Variants in TTBK1 observed in about 807,000 individuals in gnomAD.
The protein encoded by TTBK1 is tau tubulin kinase 1, also known as tau-tubulin kinase 1.
Under a neutral mutation model 108.5 loss-of-function variants are expected in TTBK1, and 34 were observed. The ratio of observed to expected loss-of-function variants is 0.31; its 90% CI spans 0.24 to 0.42. The LOEUF is 0.42. Ranked by LOEUF, TTBK1 falls within the 10% of genes least tolerant of loss-of-function variation. The pLI is 1.00. For synonymous variants in TTBK1, 809 were observed against 795.1 expected, an observed-to-expected ratio of 1.02 and a Z score of -0.29; for missense variants, 1,539 against 1,826.0, an observed-to-expected ratio of 0.84 and a Z score of 2.86.
Position 43,255,602 on chromosome 6 carries a change from G to A in TTBK1, c.693G>A (p.Glu231=). The change falls in exon 8 of 15, where the codon GAG becomes GAA. Residue 231 remains glutamate (E), a synonymous_variant. Transcript: ENST00000259750. The stretch of plus-strand genomic sequence containing the variant: ...GGTCCCTCTTCTACATGCTGGTGGA[G>A]TTTGCAGTGGGCCAGCTGCCCTGGA... ...DLWSLFYMLV[E]FAVGQLPWRK... 6.2e-7 allele frequency: 1 copy of A among 1,613,950 alleles called. No individual in the cohort carries two copies. The highest frequency in any genetic ancestry group is 1.1e-5 in the South Asian group (1 of 91,054).
rs1171805966 is a variant in TTBK1, at chr6:43,282,739, G to A, written c.1999G>A (p.Ala667Thr). 6.2e-7 allele frequency: 1 copy of A among 1,604,640 alleles called. No individual in the cohort carries two copies. Among genetic ancestry groups the A allele is most frequent in the Non-Finnish European group, 8.5e-7 (1 of 1,176,370 alleles). Residue 667 changes from alanine to threonine, a missense_variant, in exon 14 of 15, where the codon GCG (alanine) becomes ACG (threonine). Coordinates refer to ENST00000259750, the MANE Select transcript of TTBK1 (RefSeq NM_032538.3). This position sits in a 1 kb window ranked among gnomAD's most constrained non-coding sequence, Gnocchi z 5.4. ...ATGCCCCTTGCAGGTGTTCTCCGTG[G>A]CGCCCCCATTTGAGGTGAATGGCCT... ...TGPQRQVFSV[A>T]PPFEVNGLPR...
Position 43,263,280 on chromosome 6 carries a change from C to A in TTBK1, c.1916C>A (p.Ser639Tyr), listed in dbSNP as rs925235521. ...TSQPPTPGSP[S>Y]HSPLHSGPRP... is the part of the protein sequence containing the mutation. ...CAGCCCCCCACGCCTGGCAGCCCTT[C>A]CCACTCACCCCTGCACTCGGGACCC... The change falls in exon 13 of 15, where the codon TCC becomes TAC. Residue 639 changes from serine to tyrosine, a missense_variant. Transcript: ENST00000259750. This position sits in a 1 kb window ranked among gnomAD's most constrained non-coding sequence, Gnocchi z 4.7. The A allele has an allele frequency of 6.6e-7, 1 of 1,524,782 alleles. No homozygotes were observed. The highest frequency in any genetic ancestry group is 8.8e-7 in the Non-Finnish European group (1 of 1,133,588). The allele number at this position is 1,524,782 out of a possible 1,614,324, so 94.5% of individuals were successfully genotyped here. A position where few individuals can be genotyped will look rare whatever the true frequency, so the allele number is the denominator to read the frequency against.
rs780745292 is a variant in TTBK1 at position 43,283,674 on chromosome 6, C to T, written c.2934C>T (p.Pro978=). Residue 978 remains proline (P), a synonymous_variant, in exon 14 of 15, where the codon CCC becomes CCT. Coordinates refer to ENST00000259750, the MANE Select transcript of TTBK1 (RefSeq NM_032538.3). The surrounding 1 kb of genome is among the most constrained non-coding windows in gnomAD (Gnocchi z 8.1). ...CTGTGGAGGAGGGGGCCCGAGCGCCCCTGGAGAACGGCCTCGCCCTGTCAG... is the reference window on the plus strand; with the variant it reads ...CTGTGGAGGAGGGGGCCCGAGCGCCTCTGGAGAACGGCCTCGCCCTGTCAG... ...GGAVEEGARA[P]LENGLALSGL... 6.2e-7 allele frequency: 1 copy of T among 1,613,946 alleles called. No homozygotes were observed. The highest frequency in any genetic ancestry group is 1.1e-5 in the South Asian group (1 of 91,078).
chr6:43,254,431 C>A, intron 5 of TTBK1, 116 bp from the exon 6 acceptor site: 2 of 662,386 alleles, frequency 3.0e-6, no homozygotes, highest in Non-Finnish European at 5.1e-6. Context: ...TCCTTGCGGG[C>A]GAGTGAATGT....
chr6:43,254,920 C>G (rs574528939), intron 6 of TTBK1, 129 bp from the exon 7 acceptor site: 1 of 965,014 alleles, frequency 1.0e-6, no homozygotes, highest in Non-Finnish European at 1.7e-6. Flanking sequence ...ACTGGAAGGT[C>G]AGAGAGCAGG....
At chr6:43,279,239 T>C (rs1171645006) in intron 13 of TTBK1, among the ~76,000 whole-genome samples, 1 of 152,162 alleles carries the variant, frequency 6.6e-6, no homozygotes, top group Non-Finnish European at 1.5e-5. Context: ...ACTGTGTGTG[T>C]GTGTTGCGGG....
intron 13 of TTBK1, among the ~76,000 whole-genome samples, chr6:43,281,147 G>A (rs1778147715): frequency 6.6e-6 from 1 of 152,126 alleles, no homozygotes; most frequent in African/African-American, 2.4e-5. Context: ...GCCGAAGCGG[G>A]TGGATCACCT....
In TTBK1 at chr6:43,259,408, C is replaced by T. The variant is rs1176042060; in HGVS notation, c.1249-123C>T. ...TTGCCCTGCCTCTGTTTCCCGGTCC[C>T]TCCCCGCACTAGCCTCGCTGTGTCT... is the stretch of plus-strand genomic sequence containing the variant. On this transcript the variant is annotated intron_variant, in intron 11 of 14. Coordinates refer to ENST00000259750, the MANE Select transcript of TTBK1 (RefSeq NM_032538.3). This position sits in a 1 kb window ranked among gnomAD's most constrained non-coding sequence, Gnocchi z 6.7. 9 of 1,313,660 alleles carry T rather than the reference C, an allele frequency of 6.9e-6. No individual in the cohort carries two copies. Among genetic ancestry groups the T allele is most frequent in the African/African-American group, 4.4e-5 (3 of 67,484 alleles). 81.4% of individuals were successfully genotyped at this position (1,313,660 alleles called of 1,614,324 possible).
In TTBK1 at chr6:43,263,263, C is replaced by A. The variant is rs201649796; in HGVS notation, c.1899C>A (p.Pro633=). The change falls in exon 13 of 15, where the codon CCC becomes CCA. Residue 633 remains proline, a synonymous_variant. Coordinates refer to ENST00000259750, the MANE Select transcript of TTBK1 (RefSeq NM_032538.3). The surrounding 1 kb of genome is among the most constrained non-coding windows in gnomAD (Gnocchi z 4.7). ...GCCGTTCCGAGACGTCACAGCCCCCCACGCCTGGCAGCCCTTCCCACTCAC... is the reference window on the plus strand; with the variant it reads ...GCCGTTCCGAGACGTCACAGCCCCCAACGCCTGGCAGCCCTTCCCACTCAC... ...GDGRSETSQP[P]TPGSPSHSPL... 7 of 1,540,612 alleles carry A rather than the reference C, an allele frequency of 4.5e-6. No individual in the cohort carries two copies. Among genetic ancestry groups the A allele is most frequent in the East Asian group, 2.4e-5 (1 of 41,594 alleles).
intron 1 of TTBK1, among the ~76,000 whole-genome samples, chr6:43,244,457 A>C (rs1777036201): frequency 6.6e-6 from 1 of 152,066 alleles, no homozygotes; most frequent in African/African-American, 2.4e-5. Context: ...TATTCATACA[A>C]ACTCCTGCAT....
chr6:43,271,064 A>G lies in TTBK1; in HGVS notation c.1986+7714A>G, dbSNP rs1318505826. ...TCTTCTGCCCATTTCTCAGCCCCCA[A>G]CCTTCACTGCAGGGAGCCCAAGTTT... On this transcript the variant is annotated intron_variant, in intron 13 of 14. Coordinates refer to ENST00000259750, the MANE Select transcript of TTBK1 (RefSeq NM_032538.3). 5.1e-6 allele frequency: 5 copies of G among 985,330 alleles called. No individual in the cohort carries two copies. The South Asian group carries it at 1.9e-4, about 37-fold the overall frequency. The allele number at this position is 985,330 out of a possible 1,614,324, so 61.0% of individuals were successfully genotyped here.
At chr6:43,250,508 C>T (rs765517187) in intron 2 of TTBK1, among the ~76,000 whole-genome samples, 1 of 152,008 alleles carries the variant, frequency 6.6e-6, no homozygotes, top group Non-Finnish European at 1.5e-5. Flanking sequence ...AGGTGCCCGC[C>T]ACCACGCCCC....
At position 43,257,676 on chromosome 6, in the gene TTBK1, C is replaced by G; in HGVS notation, c.862-136C>G. The stretch of plus-strand genomic sequence containing the variant: ...CATTTAAAATCAATGTGCCGTTCTC[C>G]TTCCAATGCCCCCTCCAGGCCCATT... On this transcript the variant is annotated intron_variant, in intron 9 of 14. Transcript: ENST00000259750. This position sits in a 1 kb window ranked among gnomAD's most constrained non-coding sequence, Gnocchi z 4.5. 1 of 772,810 alleles carries G rather than the reference C, an allele frequency of 1.3e-6. No homozygotes were observed. Among genetic ancestry groups the G allele is most frequent in the Non-Finnish European group, 2.1e-6 (1 of 476,822 alleles). 47.9% of individuals were successfully genotyped at this position (772,810 alleles called of 1,614,324 possible). A position where few individuals can be genotyped will look rare whatever the true frequency, so the allele number is the denominator to read the frequency against.
Position 43,286,870 on chromosome 6 carries a change from C to T in TTBK1, c.*1494C>T. The T allele has an allele frequency of 6.6e-6, 1 of 152,444 alleles. No individual in the cohort carries two copies. Among genetic ancestry groups the T allele is most frequent in the Non-Finnish European group, 1.5e-5 (1 of 68,086 alleles). The allele number at this position is 152,444 out of a possible 1,614,324, so 9.4% of individuals were successfully genotyped here. A position where few individuals can be genotyped will look rare whatever the true frequency, so the allele number is the denominator to read the frequency against. ...GGCCCCTGCAGCCTCTGTCCCCTGG[C>T]CTAGCCTCTCTGTCCTTCCCTGAGT... On this transcript the variant is annotated 3_prime_UTR_variant, in exon 15 of 15. Coordinates refer to ENST00000259750, the MANE Select transcript of TTBK1 (RefSeq NM_032538.3). The surrounding 1 kb of genome is among the most constrained non-coding windows in gnomAD (Gnocchi z 4.6).
intron 1 of TTBK1, 90 bp from the exon 2 acceptor site, chr6:43,246,517 G>A (rs1777089726): frequency 1.7e-6 from 1 of 582,892 alleles, no homozygotes; most frequent in Non-Finnish European, 3.1e-6. Flanking sequence ...CAGGAAGAAT[G>A]CAGAGCAGGA....
Position 43,253,430 on chromosome 6 carries a change from G to A in TTBK1, c.330+66G>A, listed in dbSNP as rs1009428919. 1.2e-6 allele frequency: 2 copies of A among 1,606,734 alleles called. No homozygotes were observed. Among genetic ancestry groups the A allele is most frequent in the African/African-American group, 2.7e-5 (2 of 74,618 alleles). On this transcript the variant is annotated intron_variant, in intron 4 of 14. Coordinates refer to ENST00000259750, the MANE Select transcript of TTBK1 (RefSeq NM_032538.3). This position sits in a 1 kb window ranked among gnomAD's most constrained non-coding sequence, Gnocchi z 5.8. ...CTTGGGCTGTGACTCCAGGGTAGGG[G>A]AAGGGAAGGTAGACTGTGGCCCTGG...
Position 43,255,819 on chromosome 6 carries a change from T to C in TTBK1, c.824T>C (p.Ile275Thr), listed in dbSNP as rs752786112. 6.2e-7 allele frequency: 1 copy of C among 1,614,080 alleles called. No individual in the cohort carries two copies. The highest frequency in any genetic ancestry group is 8.5e-7 in the Non-Finnish European group (1 of 1,180,004). ...GAGTTCCACCTCTTCCTGGACCACA[T>C]TGCCAGCCTCGACTACTTCACCAAG... ...PSEFHLFLDH[I>T]ASLDYFTKPD... The change falls in exon 9 of 15, where the codon ATT becomes ACT. Residue 275 changes from isoleucine (I) to threonine (T), a missense_variant. Ile to Thr is a moderately conservative substitution (Grantham distance 89, BLOSUM62 -1). Transcript: ENST00000259750.
At position 43,259,497 on chromosome 6, in the gene TTBK1, C is replaced by T. The variant is rs1280384796; in HGVS notation, c.1249-34C>T. 5.2e-6 allele frequency: 8 copies of T among 1,525,200 alleles called. No homozygotes were observed. The highest frequency in any genetic ancestry group is 7.0e-6 in the Non-Finnish European group (8 of 1,140,036). 94.5% of individuals were successfully genotyped at this position (1,525,200 alleles called of 1,614,324 possible). ...GACCATCCGCCCACAGCCGCCTCATCAGCCCCAGCTCATGGCACTCCCCTC... is the reference window on the plus strand; with the variant it reads ...GACCATCCGCCCACAGCCGCCTCATTAGCCCCAGCTCATGGCACTCCCCTC... On this transcript the variant is annotated intron_variant, in intron 11 of 14. Transcript: ENST00000259750. The surrounding 1 kb of genome is among the most constrained non-coding windows in gnomAD (Gnocchi z 6.7).
chr6:43,280,301 C>A (rs887478397), intron 13 of TTBK1, among the ~76,000 whole-genome samples: 2 of 152,288 alleles, frequency 1.3e-5, no homozygotes, highest in South Asian at 2.1e-4. Context: ...TTTCCCCACA[C>A]GCTATTCCCC....
Sources: allele counts gnomAD v4.1 joint callset (sites outside exome capture counted in the v4.1 genomes callset), GRCh38; gene constraint gnomAD v4.1.1; non-coding constraint Gnocchi (gnomAD v3.1); transcripts MANE v1.5; gene names NCBI Gene and HGNC (gene_info 2026-07-23, HGNC 2026-07-21).